CDH7: variants seen among roughly 807,000 people sequenced by gnomAD.
The protein encoded by CDH7 is cadherin-7.
In CDH7, 25 loss-of-function variants were observed where a neutral mutation model predicts 71.8. The ratio of observed to expected loss-of-function variants is 0.35; its 90% CI spans 0.25 to 0.49. CDH7 has a LOEUF of 0.49. Among genes scored for constraint, CDH7 ranks in the 20% least tolerant of loss-of-function variants. The pLI is 0.99. For missense variants in CDH7, 862 were observed against 974.6 expected, an observed-to-expected ratio of 0.88 and a Z score of 1.54; for synonymous variants, 381 against 363.8, an observed-to-expected ratio of 1.05 and a Z score of -0.54.
At chr18:65,873,685 A>T (rs893478117) in intron 11 of CDH7, among the ~76,000 whole-genome samples, 1 of 152,192 alleles carries the variant, frequency 6.6e-6, no homozygotes, top group Non-Finnish European at 1.5e-5. Flanking sequence ...TAGACAACGA[A>T]AATTTAAACG....
At chr18:65,836,804 T>C (rs1029859621) in intron 6 of CDH7, among the ~76,000 whole-genome samples, 6 of 152,200 alleles carry the variant, frequency 3.9e-5, no homozygotes, top group Admixed American at 6.5e-5. Flanking sequence ...AGGTAATTTG[T>C]TTAGCCTTAG....
intron 2 of CDH7, among the ~76,000 whole-genome samples, chr18:65,794,474 T>C (rs1486709867): frequency 6.6e-6 from 1 of 152,072 alleles, no homozygotes; most frequent in Non-Finnish European, 1.5e-5. Flanking sequence ...CCATCCTTAT[T>C]CAGAGCAGTA....
At chr18:65,816,192 G>T (rs1008403775) in intron 4 of CDH7, among the ~76,000 whole-genome samples, 4 of 147,894 alleles carry the variant, frequency 2.7e-5, no homozygotes, top group Non-Finnish European at 6.0e-5. Context: ...GTTTAGTTTA[G>T]TTTTTTTTTT....
chr18:65,803,933 G>A (rs1276346807), intron 2 of CDH7: 1 of 150,260 alleles, frequency 6.7e-6, no homozygotes, highest in Non-Finnish European at 1.5e-5. Context: ...TGCAATAGCA[G>A]TATAAGTTTT....
intron 4 of CDH7, among the ~76,000 whole-genome samples, chr18:65,816,704 C>T (rs946094269): frequency 1.3e-5 from 2 of 152,112 alleles, no homozygotes; most frequent in African/African-American, 4.8e-5. Flanking sequence ...ACTATATTTT[C>T]TGCGTCAATT....
intron 5 of CDH7, among the ~76,000 whole-genome samples, chr18:65,823,725 A>G (rs1912021983): frequency 6.6e-6 from 1 of 151,986 alleles, no homozygotes. Context: ...TCCATAATAC[A>G]GACACATTTT....
chr18:65,856,275 A>G (rs1026964092), intron 7 of CDH7, among the ~76,000 whole-genome samples: 3 of 152,174 alleles, frequency 2.0e-5, no homozygotes, highest in Non-Finnish European at 2.9e-5. Flanking sequence ...AATAAGATAT[A>G]TTATTATTAT....
Position 65,814,686 on chromosome 18 carries a change from C to T in CDH7, c.625+82C>T. ...TAATATTATTTCTAAATATAGTTGACACTAATAACATACCATTTTATTATG... is the reference window on the plus strand; with the variant it reads ...TAATATTATTTCTAAATATAGTTGATACTAATAACATACCATTTTATTATG... On this transcript the variant is annotated intron_variant, in intron 4 of 11. Transcript: ENST00000397968. 11 of 1,202,602 alleles carry T rather than the reference C, an allele frequency of 9.1e-6. No individual in the cohort carries two copies. In the South Asian group the frequency reaches 1.7e-4, roughly 19 times the overall value. The allele number at this position is 1,202,602 out of a possible 1,614,324, so 74.5% of individuals were successfully genotyped here.
chr18:65,765,518 A>T (rs1185416200), intron 2 of CDH7, among the ~76,000 whole-genome samples: 1 of 150,628 alleles, frequency 6.6e-6, no homozygotes, highest in Non-Finnish European at 1.5e-5. Context: ...TGTTTGTAGG[A>T]CAGAAAGAAA....
At chr18:65,842,851 G>GTTTTT (rs3061824) in intron 6 of CDH7, among the ~76,000 whole-genome samples, 2 of 146,522 alleles carry the variant, frequency 1.4e-5, no homozygotes, top group Admixed American at 6.7e-5. Flanking sequence ...TTCCTGTAAA[G>GTTTTT]TTTTTTTTTT....
At chr18:65,793,658 C>G (rs544456791) in intron 2 of CDH7, among the ~76,000 whole-genome samples, 1 of 152,146 alleles carries the variant, frequency 6.6e-6, no homozygotes, top group South Asian at 2.1e-4. Context: ...CCAAAGTATC[C>G]TATCATTCAG....
At chr18:65,851,122 G>A (rs984267953) in intron 7 of CDH7, among the ~76,000 whole-genome samples, 1 of 151,936 alleles carries the variant, frequency 6.6e-6, no homozygotes, top group Non-Finnish European at 1.5e-5. Context: ...TTATTTTGAA[G>A]TTTACTTATC....
intron 2 of CDH7, among the ~76,000 whole-genome samples, chr18:65,806,399 T>G (rs989413658): frequency 3.6e-5 from 5 of 137,106 alleles, no homozygotes; most frequent in African/African-American, 1.2e-4. Flanking sequence ...TTAATAGAGA[T>G]TTTTTTTTTG....
At chr18:65,829,303 A>G (rs904020162) in intron 6 of CDH7, among the ~76,000 whole-genome samples, 2 of 151,992 alleles carry the variant, frequency 1.3e-5, no homozygotes, top group African/African-American at 4.8e-5. Context: ...TATTTTTAGT[A>G]GAGACGGGGT....
intron 11 of CDH7, among the ~76,000 whole-genome samples, chr18:65,867,632 T>G (rs894342534): frequency 6.6e-6 from 1 of 152,202 alleles, no homozygotes; most frequent in Non-Finnish European, 1.5e-5. Context: ...TTTCTGTTCC[T>G]CGGCATACAC....
At chr18:65,757,907 C>T (rs1332495704) in intron 1 of CDH7, among the ~76,000 whole-genome samples, 3 of 151,648 alleles carry the variant, frequency 2.0e-5, no homozygotes, top group Non-Finnish European at 2.9e-5. Context: ...GTTTTTAACT[C>T]CTGTATATGA....
chr18:65,762,115 T>G (rs1404861414), intron 1 of CDH7, among the ~76,000 whole-genome samples: 2 of 152,208 alleles, frequency 1.3e-5, no homozygotes, highest in Non-Finnish European at 1.5e-5. Flanking sequence ...GCTGGTGTTC[T>G]GTGACTCAGA....
Position 65,880,861 on chromosome 18 carries a change from G to T in CDH7, c.2325G>T (p.Met775Ile). 1 of 1,613,944 alleles carries T rather than the reference G, an allele frequency of 6.2e-7. No individual in the cohort carries two copies. Among genetic ancestry groups the T allele is most frequent in the Non-Finnish European group, 8.5e-7 (1 of 1,179,938 alleles). ...WGPRFKRLAD[M>I]YGTGQESLYS ...CTCGCTTTAAACGACTCGCGGACAT[G>T]TATGGGACTGGCCAAGAGAGTTTGT... is the stretch of plus-strand genomic sequence containing the variant. Residue 775 changes from methionine to isoleucine, a missense_variant, in exon 12 of 12, where the codon ATG becomes ATT. Physicochemically the swap from Met to Ile is conservative, Grantham distance 10. Transcript: ENST00000397968.
At chr18:65,844,501 C>G (rs763921233) in intron 7 of CDH7, among the ~76,000 whole-genome samples, 23 of 151,982 alleles carry the variant, frequency 1.5e-4, no homozygotes, top group African/African-American at 5.3e-4. Context: ...TCTACTTGAA[C>G]AGTATATATT....
Sources: gnomAD v4.1 joint callset for allele counts (sites outside exome capture counted in the v4.1 genomes callset) on GRCh38, gnomAD v4.1.1 for gene constraint, MANE v1.5 for transcripts, NCBI Gene and HGNC (gene_info 2026-07-23, HGNC 2026-07-21) for gene names.